The following PTPN3 variants were observed in gnomAD, a reference collection of about 807,000 sequenced individuals.
PTPN3 encodes the protein tyrosine-protein phosphatase non-receptor type 3.
In PTPN3, 96 loss-of-function variants were observed where a neutral mutation model predicts 132.7. The ratio of observed to expected loss-of-function variants is 0.72; its 90% CI spans 0.61 to 0.86. The LOEUF (loss-of-function observed/expected upper bound fraction) is 0.86, where lower values mean the gene tolerates loss of function less well. Ranked by LOEUF, PTPN3 falls within the 40% of genes least tolerant of loss-of-function variation. PTPN3 has a pLI of 0.00. For missense variants in PTPN3, 1,125 were observed against 1,159.6 expected (o/e 0.97, Z 0.43); for synonymous variants, 398 against 429.0 (o/e 0.93, Z 0.89).
At chr9:109,524,733 G>T in the PTPN3 span, among the ~76,000 whole-genome samples, 4 of 151,944 alleles carry the variant, frequency 2.6e-5, no homozygotes, top group East Asian at 5.8e-4. Context: ...ATAGTTTTTT[G>T]ATTTGGATTT....
chr9:109,406,463 T>G lies in PTPN3; in HGVS notation c.1791A>C (p.Arg597Ser). 6.2e-7 allele frequency: 1 copy of G among 1,613,670 alleles called. No homozygotes were observed. The highest frequency in any genetic ancestry group is 8.5e-7 in the Non-Finnish European group (1 of 1,179,688). ...CTCCTCCCCCCAGGTGGCCATTACC[T>G]CTCCTCCTGATCACCAGGGCCAGCT... ...SRELALVIRR[R>S]AVRSFADFKS... Residue 597 changes from arginine to serine, a missense_variant and splice_region_variant, in exon 18 of 26, where the codon AGA (arginine) becomes AGC (serine). Arg to Ser is a moderately radical substitution (Grantham distance 110). Coordinates refer to ENST00000374541, the MANE Select transcript of PTPN3 (RefSeq NM_002829.4).
intron 1 of PTPN3, among the ~76,000 whole-genome samples, chr9:109,478,618 A>G (rs943589915): frequency 6.6e-6 from 1 of 152,248 alleles, no homozygotes; most frequent in Non-Finnish European, 1.5e-5. Flanking sequence ...GGGCTGGGCC[A>G]CCACCTAGAG....
chr9:109,510,573 AAAAATATATATAT>A, the PTPN3 span, among the ~76,000 whole-genome samples: 8 of 50,846 alleles, frequency 1.6e-4, no homozygotes, highest in South Asian at 3.4e-3. Context: ...AAAAAAAAAA[AAAAATATATATAT>A]ATATATATAT....
At chr9:109,465,552 A>T (rs1187997648) in intron 1 of PTPN3, among the ~76,000 whole-genome samples, 1 of 151,938 alleles carries the variant, frequency 6.6e-6, no homozygotes, top group Admixed American at 6.6e-5. Flanking sequence ...TCTACTAAAC[A>T]TACAAAATTA....
intron 19 of PTPN3, among the ~76,000 whole-genome samples, chr9:109,395,144 T>C (rs1304453152): frequency 7.4e-6 from 1 of 134,754 alleles, no homozygotes. Context: ...CATCTCAATT[T>C]AAAAAAAAAA....
At chr9:109,421,903 TG>T (rs1198962356) in intron 13 of PTPN3, among the ~76,000 whole-genome samples, 1 of 152,202 alleles carries the variant, frequency 6.6e-6, no homozygotes, top group East Asian at 1.9e-4. Context: ...AGTGTGGAGC[TG>T]GGGGCAATGA....
In PTPN3 at chr9:109,376,976, C is replaced by T. The variant is rs530222116; in HGVS notation, c.*2580G>A. On this transcript the variant is annotated 3_prime_UTR_variant, in exon 26 of 26. Transcript: ENST00000374541. Reference sequence around the variant, plus strand: ...TAGGCTTTTTAGAAATTTATGTGACCGTAATGGCTGCATTTCTGCAACCAT... The same window carrying T: ...TAGGCTTTTTAGAAATTTATGTGACTGTAATGGCTGCATTTCTGCAACCAT... The T allele has an allele frequency of 2.6e-5, 4 of 152,078 alleles. No homozygotes were observed. The highest frequency in any genetic ancestry group is 2.1e-4 in the South Asian group (1 of 4,822). 9.4% of individuals were successfully genotyped at this position (152,078 alleles called of 1,614,324 possible).
the PTPN3 span, among the ~76,000 whole-genome samples, chr9:109,510,591 A>T: frequency 8.2e-6 from 1 of 122,444 alleles, no homozygotes; most frequent in Admixed American, 9.0e-5. Flanking sequence ...ATATATATAT[A>T]TATATATATA....
intron 22 of PTPN3, among the ~76,000 whole-genome samples, chr9:109,387,058 G>A (rs964575906): frequency 5.9e-5 from 9 of 152,196 alleles, no homozygotes; most frequent in Non-Finnish European, 8.8e-5. Context: ...TTCCTGGCTC[G>A]GGTGACTGGG....
chr9:109,440,451 T>C (rs1475817807), intron 7 of PTPN3, among the ~76,000 whole-genome samples: 2 of 152,170 alleles, frequency 1.3e-5, no homozygotes, highest in Admixed American at 1.3e-4. Context: ...GAAATTGCGG[T>C]CTGGAAAGGA....
intron 1 of PTPN3, among the ~76,000 whole-genome samples, chr9:109,492,741 G>C (rs10816822): frequency 0.86 from 130,667 of 152,194 alleles, 56,154 homozygotes; most frequent in South Asian, 0.94. Context: ...CTCTGCAAGC[G>C]TGGCTGCTAA....
At chr9:109,447,692 A>G (rs916337775) in intron 6 of PTPN3, among the ~76,000 whole-genome samples, 9 of 152,132 alleles carry the variant, frequency 5.9e-5, no homozygotes, top group African/African-American at 1.9e-4. Flanking sequence ...CCTGGATGCT[A>G]CAATAGCTTC....
Position 109,379,278 on chromosome 9 carries a change from T to G in PTPN3, c.*278A>C. ...ATGCCGACAGGGGTGTGTGTGGTGA[T>G]GTTAGGGAAGAAGGCATTAGGACAG... On this transcript the variant is annotated 3_prime_UTR_variant, in exon 26 of 26. Coordinates refer to ENST00000374541, the MANE Select transcript of PTPN3 (RefSeq NM_002829.4). 1 of 395,034 alleles carries G rather than the reference T, an allele frequency of 2.5e-6. No individual in the cohort carries two copies. 24.5% of individuals were successfully genotyped at this position (395,034 alleles called of 1,614,324 possible). A position where few individuals can be genotyped will look rare whatever the true frequency, so the allele number is the denominator to read the frequency against.
intron 1 of PTPN3, among the ~76,000 whole-genome samples, chr9:109,472,904 A>G (rs1846450988): frequency 6.6e-6 from 1 of 152,236 alleles, no homozygotes; most frequent in Admixed American, 6.5e-5. Context: ...TAAAGCCAAG[A>G]AACAAATTTA....
In PTPN3 at chr9:109,383,457, T is replaced by G. The variant is rs747274167; in HGVS notation, c.2348A>C (p.Tyr783Ser). 1.2e-6 allele frequency: 2 copies of G among 1,613,684 alleles called. No homozygotes were observed. The highest frequency in any genetic ancestry group is 1.7e-6 in the Non-Finnish European group (2 of 1,179,942). The change falls in exon 23 of 26, where the codon TAT becomes TCT. Residue 783 changes from tyrosine (Y) to serine (S), a missense_variant. Tyr to Ser is a moderately radical substitution (Grantham distance 144). Coordinates refer to ENST00000374541, the MANE Select transcript of PTPN3 (RefSeq NM_002829.4). Reference protein sequence around the residue: ...QCQSEDCTIAYVSREMLVTNT... With the variant: ...QCQSEDCTIASVSREMLVTNT... ...TGTGACCAGCATTTCTCGGGACACA[T>G]AGGCGATGGTGCAGTCCTCTGACTG...
At chr9:109,460,962 G>A (rs999364844) in intron 2 of PTPN3, among the ~76,000 whole-genome samples, 3 of 152,130 alleles carry the variant, frequency 2.0e-5, no homozygotes, top group African/African-American at 4.8e-5. Flanking sequence ...TCATGTTTTC[G>A]TCAGGAAGAG....
At chr9:109,471,289 C>T (rs866641209) in intron 1 of PTPN3, among the ~76,000 whole-genome samples, 9 of 152,170 alleles carry the variant, frequency 5.9e-5, no homozygotes, top group Admixed American at 5.9e-4. Context: ...AACTCCTGAC[C>T]TCAGGTGATT....
chr9:109,443,351 A>G (rs1264666238), intron 7 of PTPN3, among the ~76,000 whole-genome samples: 2 of 152,112 alleles, frequency 1.3e-5, no homozygotes, highest in Non-Finnish European at 2.9e-5. Context: ...TACTAGGACT[A>G]CAGATGCACA....
chr9:109,417,723 T>G, intron 14 of PTPN3: 2 of 985,328 alleles, frequency 2.0e-6, no homozygotes, highest in Non-Finnish European at 2.4e-6. Flanking sequence ...TGGCTGTTCA[T>G]CCCACTTGCA....
Sources: gnomAD v4.1 joint callset for allele counts (sites outside exome capture counted in the v4.1 genomes callset) on GRCh38, gnomAD v4.1.1 for gene constraint, MANE v1.5 for transcripts, NCBI Gene and HGNC (gene_info 2026-07-23, HGNC 2026-07-21) for gene names.